MGAT4C: variants seen among roughly 807,000 people sequenced by gnomAD.
The protein encoded by MGAT4C is MGAT4 family member C, also known as alpha-1,3-mannosyl-glycoprotein 4-beta-N-acetylglucosaminyltransferase C.
Under a neutral mutation model 40.1 loss-of-function variants are expected in MGAT4C, and 19 were observed. That is an observed-to-expected ratio of 0.47 (90% CI 0.33 to 0.70). The LOEUF (loss-of-function observed/expected upper bound fraction) is 0.70, where lower values mean the gene tolerates loss of function less well. Ranked by LOEUF, MGAT4C falls within the 30% of genes least tolerant of loss-of-function variation. MGAT4C has a pLI of 0.02. For missense variants in MGAT4C, 491 were observed against 563.2 expected, an observed-to-expected ratio of 0.87 and a Z score of 1.30; for synonymous variants, 181 against 187.1, an observed-to-expected ratio of 0.97 and a Z score of 0.27.
chr12:86,832,528 A>G (rs1478525255), intron 1 of MGAT4C, among the ~76,000 whole-genome samples: 1 of 151,874 alleles, frequency 6.6e-6, no homozygotes, highest in Non-Finnish European at 1.5e-5. Flanking sequence ...CTAGAGTAGC[A>G]TCATACCTGC....
At chr12:86,799,303 C>A (rs1276274652) in intron 1 of MGAT4C, among the ~76,000 whole-genome samples, 1 of 151,602 alleles carries the variant, frequency 6.6e-6, no homozygotes, top group African/African-American at 2.4e-5. Flanking sequence ...GGCATAATTT[C>A]TCTGGTTTTC....
chr12:86,538,755 C>T (rs1036872993), intron 2 of MGAT4C, among the ~76,000 whole-genome samples: 1 of 151,670 alleles, frequency 6.6e-6, no homozygotes, highest in African/African-American at 2.4e-5. Context: ...CTACAGGCGC[C>T]CGCCACCACG....
chr12:86,760,686 G>T (rs576629246), intron 1 of MGAT4C, among the ~76,000 whole-genome samples: 15 of 152,056 alleles, frequency 9.9e-5, no homozygotes, highest in Admixed American at 9.8e-4. Context: ...AGAATGTCCA[G>T]GGCATAGAAA....
intron 2 of MGAT4C, among the ~76,000 whole-genome samples, chr12:86,634,291 A>G (rs1423753987): frequency 6.6e-6 from 1 of 152,094 alleles, no homozygotes; most frequent in African/African-American, 2.4e-5. Flanking sequence ...AAGATTTACC[A>G]ATTGTGTAAA....
At chr12:86,258,691 A>G (rs12315031), upstream of MGAT4C, among the ~76,000 whole-genome samples, 1,045 of 152,230 alleles carry the variant, frequency 6.9e-3, 14 homozygotes, top group African/African-American at 0.024. Flanking sequence ...TTAAGAATAT[A>G]GATTTCAATG....
intron 1 of MGAT4C, among the ~76,000 whole-genome samples, chr12:86,131,025 T>C (rs1046288145): frequency 6.6e-6 from 1 of 152,094 alleles, no homozygotes; most frequent in Non-Finnish European, 1.5e-5. Flanking sequence ...ACTTTGTTAG[T>C]TCATCAGTGA....
chr12:86,538,344 A>G (rs1010320224), intron 2 of MGAT4C, among the ~76,000 whole-genome samples: 3 of 152,142 alleles, frequency 2.0e-5, no homozygotes, highest in Non-Finnish European at 2.9e-5. Context: ...GATCCAAGGA[A>G]AGAATAGCTT....
At chr12:86,341,514 G>T (rs1954904034) in intron 3 of MGAT4C, among the ~76,000 whole-genome samples, 1 of 152,198 alleles carries the variant, frequency 6.6e-6, no homozygotes, top group Non-Finnish European at 1.5e-5. Flanking sequence ...AGCAGCAAAA[G>T]CCCATAGGCT....
At chr12:86,047,387 T>G (rs1366847771) in intron 2 of MGAT4C, among the ~76,000 whole-genome samples, 2 of 152,100 alleles carry the variant, frequency 1.3e-5, no homozygotes, top group African/African-American at 4.8e-5. Context: ...CACACACATG[T>G]GTATGTACAT....
chr12:86,832,634 T>C (rs1383062370), intron 1 of MGAT4C, among the ~76,000 whole-genome samples: 1 of 151,840 alleles, frequency 6.6e-6, no homozygotes, highest in Non-Finnish European at 1.5e-5. Context: ...TTTTCTACAT[T>C]TTTATAGCTT....
chr12:86,700,937 G>C (rs1950351042), intron 2 of MGAT4C, among the ~76,000 whole-genome samples: 1 of 152,086 alleles, frequency 6.6e-6, no homozygotes, highest in South Asian at 2.1e-4. Flanking sequence ...AAATGAGAAA[G>C]TGAATTTTAT....
intron 2 of MGAT4C, among the ~76,000 whole-genome samples, chr12:86,619,702 G>A (rs981319543): frequency 1.3e-5 from 2 of 151,750 alleles, no homozygotes; most frequent in Non-Finnish European, 2.9e-5. Context: ...TCTTTTGAAA[G>A]ATACTCTTAG....
chr12:86,525,659 A>T (rs1416828529), intron 2 of MGAT4C, among the ~76,000 whole-genome samples: 2 of 152,096 alleles, frequency 1.3e-5, no homozygotes, highest in African/African-American at 4.8e-5. Flanking sequence ...TGATTGTGGT[A>T]TAAGGTGGAT....
intron 1 of MGAT4C, among the ~76,000 whole-genome samples, chr12:86,254,749 G>T (rs1275180465): frequency 1.3e-5 from 2 of 151,998 alleles, no homozygotes; most frequent in African/African-American, 4.8e-5. Context: ...GACTCTAGAT[G>T]TATATTGGAA....
intron 2 of MGAT4C, among the ~76,000 whole-genome samples, chr12:86,665,811 T>C (rs1964091641): frequency 6.6e-6 from 1 of 152,204 alleles, no homozygotes; most frequent in African/African-American, 2.4e-5. Flanking sequence ...AAGAAACTGA[T>C]CGTTTTCCTC....
At chr12:86,482,033 C>A (rs1957946146) in intron 2 of MGAT4C, among the ~76,000 whole-genome samples, 1 of 149,140 alleles carries the variant, frequency 6.7e-6, no homozygotes, top group South Asian at 2.1e-4. Context: ...AAACAGTCCT[C>A]TTTTTTCTTA....
intron 3 of MGAT4C, among the ~76,000 whole-genome samples, chr12:86,425,527 T>C: frequency 6.6e-6 from 1 of 152,238 alleles, no homozygotes; most frequent in East Asian, 1.9e-4. Flanking sequence ...ATTAAACTTG[T>C]TTTATTAATA....
chr12:86,591,298 C>G (rs1961319133), intron 2 of MGAT4C, among the ~76,000 whole-genome samples: 1 of 151,868 alleles, frequency 6.6e-6, no homozygotes, highest in South Asian at 2.1e-4. Flanking sequence ...AGTAGGGCAT[C>G]AGATCTATGA....
intron 1 of MGAT4C, among the ~76,000 whole-genome samples, chr12:86,766,252 A>G (rs1951505361): frequency 6.6e-6 from 1 of 152,046 alleles, no homozygotes; most frequent in African/African-American, 2.4e-5. Flanking sequence ...AAACCAACAA[A>G]GATCAAAAGA....
Sources: gnomAD v4.1 joint callset for allele counts (sites outside exome capture counted in the v4.1 genomes callset) on GRCh38, gnomAD v4.1.1 for gene constraint, MANE v1.5 for transcripts, NCBI Gene and HGNC (gene_info 2026-07-23, HGNC 2026-07-21) for gene names.